Variants in ZFAND3 observed in about 807,000 individuals in gnomAD.
ZFAND3 encodes the protein zinc finger AN1-type containing 3.
Under a neutral mutation model 29.6 loss-of-function variants are expected in ZFAND3, and 10 were observed. The observed-to-expected ratio is 0.34, with a 90% CI of 0.21 to 0.57. The LOEUF is 0.57. ZFAND3 is among the 20% of genes least tolerant of loss of function. The probability of loss-of-function intolerance (pLI) is 0.86; values close to 1 mark genes in which losing one functional copy is unlikely to be tolerated. For missense variants in ZFAND3, 230 were observed against 304.5 expected (o/e 0.76, Z 1.82); for synonymous variants, 128 against 112.6 (o/e 1.14, Z -0.87).
intron 2 of ZFAND3, among the ~76,000 whole-genome samples, chr6:38,055,905 C>T (rs966432144): frequency 2.0e-5 from 3 of 152,130 alleles, no homozygotes; most frequent in Non-Finnish European, 4.4e-5. Context: ...AAGCATTGGC[C>T]ACTTATTTAT....
At chr6:37,823,273 C>T (rs1276199315) in intron 1 of ZFAND3, among the ~76,000 whole-genome samples, 1 of 152,100 alleles carries the variant, frequency 6.6e-6, no homozygotes, top group African/African-American at 2.4e-5. Context: ...TTGCCTTTTC[C>T]CTTCATGAAA....
intron 5 of ZFAND3, among the ~76,000 whole-genome samples, chr6:38,133,234 CT>C (rs1307425095): frequency 2.0e-5 from 3 of 152,210 alleles, no homozygotes; most frequent in Admixed American, 1.3e-4. Flanking sequence ...TCTGTCCTTT[CT>C]CCAGACCATG....
intron 1 of ZFAND3, among the ~76,000 whole-genome samples, chr6:37,845,489 CTG>C (rs1463801499): frequency 6.6e-6 from 1 of 152,188 alleles, no homozygotes; most frequent in Non-Finnish European, 1.5e-5. Context: ...AGAAAATAAA[CTG>C]TAGAAAAATG....
chr6:37,843,370 C>T (rs999772242), intron 1 of ZFAND3, among the ~76,000 whole-genome samples: 4 of 151,664 alleles, frequency 2.6e-5, no homozygotes, highest in African/African-American at 9.7e-5. Flanking sequence ...ACCTGTAGTC[C>T]CAGCTACTTG....
At chr6:37,975,635 T>C (rs1290207163) in intron 2 of ZFAND3, among the ~76,000 whole-genome samples, 2 of 152,224 alleles carry the variant, frequency 1.3e-5, no homozygotes, top group African/African-American at 4.8e-5. Flanking sequence ...GCACCAGTAG[T>C]TGAAAAGGCT....
chr6:38,090,379 A>G (rs997466754), intron 4 of ZFAND3, among the ~76,000 whole-genome samples: 12 of 152,218 alleles, frequency 7.9e-5, no homozygotes, highest in African/African-American at 2.4e-4. Flanking sequence ...TTGAAGAAAG[A>G]TCAAAACAGT....
At chr6:37,825,022 A>G (rs1296892450) in intron 1 of ZFAND3, among the ~76,000 whole-genome samples, 1 of 152,210 alleles carries the variant, frequency 6.6e-6, no homozygotes, top group African/African-American at 2.4e-5. Context: ...GTTTAGAATC[A>G]ATGTATATAT....
intron 2 of ZFAND3, among the ~76,000 whole-genome samples, chr6:38,043,214 C>CTTGT (rs932757815): frequency 2.0e-5 from 3 of 150,966 alleles, no homozygotes; most frequent in African/African-American, 7.3e-5. Context: ...TTGTTTTTTC[C>CTTGT]TTCTTCCTCC....
chr6:37,928,072 A>G lies in ZFAND3; in HGVS notation c.72-1887A>G, dbSNP rs538528054. Among the ~76,000 whole-genome samples the G allele has an allele frequency of 2.6e-5, 4 of 152,266 alleles. No individual in the cohort carries two copies. The South Asian group carries it at 8.3e-4, about 32-fold the overall frequency. ...TTACTCATCTTATTCACTTGTTGAT[A>G]CTCAATTTTCCTCATTGCTGTTGTG... On this transcript the variant is annotated intron_variant, in intron 1 of 5. Coordinates refer to ENST00000287218, the MANE Select transcript of ZFAND3 (RefSeq NM_021943.3).
At chr6:38,127,858 C>CTCCT (rs1562009676) in intron 5 of ZFAND3, among the ~76,000 whole-genome samples, 1 of 152,174 alleles carries the variant, frequency 6.6e-6, no homozygotes, top group African/African-American at 2.4e-5. Flanking sequence ...GCAGTGCCTG[C>CTCCT]TCCTCCCTTC....
rs1765572852 is a variant in ZFAND3 at position 38,123,498 on chromosome 6, C to T, written c.529+6759C>T. Among the ~76,000 whole-genome samples the T allele has an allele frequency of 3.3e-5, 5 of 152,336 alleles. No individual in the cohort carries two copies. The South Asian group carries it at 1.0e-3, about 32-fold the overall frequency. ...CTGTTCACAGTGTTCTAGCCTAGAT[C>T]CACCAGAAAACCCTGTTATGCAGAG... On this transcript the variant is annotated intron_variant, in intron 5 of 5. Coordinates refer to ENST00000287218, the MANE Select transcript of ZFAND3 (RefSeq NM_021943.3).
intron 1 of ZFAND3, among the ~76,000 whole-genome samples, chr6:37,867,914 G>A (rs766388711): frequency 9.9e-5 from 15 of 152,122 alleles, no homozygotes; most frequent in Admixed American, 1.3e-4. Flanking sequence ...ATTTTTGACC[G>A]AGAGTTGCTA....
intron 2 of ZFAND3, among the ~76,000 whole-genome samples, chr6:37,942,577 C>T (rs1260828297): frequency 2.0e-5 from 3 of 151,990 alleles, no homozygotes; most frequent in African/African-American, 7.2e-5. Flanking sequence ...ACACTCCTTC[C>T]CCCAGAGATA....
chr6:37,857,116 T>A (rs1183859134), intron 1 of ZFAND3, among the ~76,000 whole-genome samples: 1 of 152,136 alleles, frequency 6.6e-6, no homozygotes, highest in African/African-American at 2.4e-5. Flanking sequence ...CCTTTTTACT[T>A]TTTGTAGAGA....
At chr6:38,125,562 C>A (rs1218667196) in intron 5 of ZFAND3, among the ~76,000 whole-genome samples, 1 of 152,222 alleles carries the variant, frequency 6.6e-6, no homozygotes, top group African/African-American at 2.4e-5. Context: ...ACAGGTATGG[C>A]AGAAGACCCT....
chr6:38,152,823 C>G lies in ZFAND3; in HGVS notation c.*434C>G. Reference sequence around the variant, plus strand: ...CTCTGTTTAATGATCGGCCTTTCACCTCTTCACTTATCCTTAGTCCCAGTA... The same window carrying G: ...CTCTGTTTAATGATCGGCCTTTCACGTCTTCACTTATCCTTAGTCCCAGTA... On this transcript the variant is annotated 3_prime_UTR_variant, in exon 6 of 6. Transcript: ENST00000287218. The G allele has an allele frequency of 1.0e-6, 1 of 986,748 alleles. No individual in the cohort carries two copies. 61.1% of individuals were successfully genotyped at this position (986,748 alleles called of 1,614,324 possible).
chr6:38,127,829 T>C (rs927406959), intron 5 of ZFAND3, among the ~76,000 whole-genome samples: 1 of 152,198 alleles, frequency 6.6e-6, no homozygotes, highest in African/African-American at 2.4e-5. Context: ...GAAGAGTTTC[T>C]GTCCAGGGAC....
At chr6:37,977,688 G>C (rs1762503865) in intron 2 of ZFAND3, among the ~76,000 whole-genome samples, 3 of 151,596 alleles carry the variant, frequency 2.0e-5, no homozygotes, top group Non-Finnish European at 4.4e-5. Context: ...TCTTTCACCA[G>C]TAAGTATGAG....
At chr6:38,012,281 C>T (rs943976926) in intron 2 of ZFAND3, among the ~76,000 whole-genome samples, 25 of 151,592 alleles carry the variant, frequency 1.6e-4, no homozygotes, top group African/African-American at 6.1e-4. Flanking sequence ...ACTAACAAAT[C>T]AGTAGCTATA....
Sources: gnomAD v4.1 joint callset for allele counts (sites outside exome capture counted in the v4.1 genomes callset) on GRCh38, gnomAD v4.1.1 for gene constraint, MANE v1.5 for transcripts, NCBI Gene and HGNC (gene_info 2026-07-23, HGNC 2026-07-21) for gene names.